The following MAP3K12 variants were observed in gnomAD, a reference collection of about 807,000 sequenced individuals.
MAP3K12 encodes the protein MAPK-upstream kinase.
A neutral mutation model predicts 87.5 loss-of-function variants in MAP3K12; 14 were observed. The observed-to-expected ratio is 0.16, with a 90% CI of 0.11 to 0.25. The LOEUF (loss-of-function observed/expected upper bound fraction) is 0.25, where lower values mean the gene tolerates loss of function less well. Ranked by LOEUF, MAP3K12 falls within the 10% of genes least tolerant of loss-of-function variation. MAP3K12 has a pLI of 1.00. For missense variants in MAP3K12, 802 were observed against 1,140.4 expected (o/e 0.70, Z 4.27); for synonymous variants, 469 against 452.5 (o/e 1.04, Z -0.46).
Position 53,479,977 on chromosome 12 carries a change from C to T in MAP3K12, c.*1205G>A, listed in dbSNP as rs1376035227. ...TTACCACTTCCATCTTTTTTTGTGG[C>T]CCTCGATCCTATTTTTCCCTGACTC... On this transcript the variant is annotated 3_prime_UTR_variant, in exon 14 of 14. Transcript: ENST00000547488. 6.6e-6 allele frequency: 1 copy of T among 151,830 alleles called. No homozygotes were observed. Among genetic ancestry groups the T allele is most frequent in the Non-Finnish European group, 1.5e-5 (1 of 68,006 alleles). The allele number at this position is 151,830 out of a possible 1,614,324, so 9.4% of individuals were successfully genotyped here. A position where few individuals can be genotyped will look rare whatever the true frequency, so the allele number is the denominator to read the frequency against.
Position 53,491,725 on chromosome 12 carries a change from G to A in MAP3K12, c.-37-4297C>T, listed in dbSNP as rs966725125. ...TGGGATTACAGGCGTGAGCCACCGC[G>A]CCCGGCAGGCATAGAGGTATTAAAT... On this transcript the variant is annotated intron_variant, in intron 1 of 13. Transcript: ENST00000547488. Among the ~76,000 whole-genome samples, 69 of 147,538 alleles carry A rather than the reference G, an allele frequency of 4.7e-4. 1 individual carries two copies. Among genetic ancestry groups the A allele is most frequent in the Non-Finnish European group, 1.0e-4 (7 of 66,722 alleles).
chr12:53,485,832 A>G, intron 4 of MAP3K12: 1 of 560,552 alleles, frequency 1.8e-6, no homozygotes, highest in Admixed American at 3.5e-5. Context: ...TTGGGATTAC[A>G]GGCGTGAGCC....
At position 53,481,280 on chromosome 12, in the gene MAP3K12, C is replaced by A; in HGVS notation, c.2581G>T (p.Gly861Cys). The A allele has an allele frequency of 6.5e-7, 1 of 1,534,650 alleles. No individual in the cohort carries two copies. Among genetic ancestry groups the A allele is most frequent in the Admixed American group, 2.0e-5 (1 of 49,106 alleles). ...TCTGAGTCCTCAGAATTGGGAGGGC[C>A]CTGTGAGAAAGAGTAGAAATGGAGT... ...IPHQELLRER[G>C]PPNSEDSDCD... The change falls in exon 14 of 14, where the codon GGC becomes TGC. Residue 861 changes from glycine to cysteine, a missense_variant and splice_region_variant. By Grantham distance (159) the Gly-to-Cys change is radical. Around this residue, in one of 5 missense-constraint regions of MAP3K12, gnomAD observed 490 missense variants for 496.6 expected, o/e 0.99. Transcript: ENST00000547488.
intron 11 of MAP3K12, 21 bp downstream of exon 11, chr12:53,482,544 G>C: frequency 6.3e-7 from 1 of 1,597,312 alleles, no homozygotes; most frequent in Non-Finnish European, 8.5e-7. Flanking sequence ...GAAAGAGCTT[G>C]GGAGCCTTCC....
At chr12:53,499,963 C>G (rs1300525344), upstream of MAP3K12, 1 of 152,514 alleles carries the variant, frequency 6.6e-6, no homozygotes. Flanking sequence ...ATTGCTCCCC[C>G]TATCATACCG....
intron 1 of MAP3K12, among the ~76,000 whole-genome samples, chr12:53,492,582 T>C (rs544585854): frequency 1.3e-5 from 2 of 152,204 alleles, no homozygotes; most frequent in East Asian, 3.9e-4. Flanking sequence ...CAAATCACAC[T>C]AAAGTTCAGC....
At chr12:53,501,277 T>C, upstream of MAP3K12, 1 of 946,238 alleles carries the variant, frequency 1.1e-6, no homozygotes, top group Non-Finnish European at 1.6e-6. Context: ...GGGGACTCCA[T>C]ATCCCAGCGT....
chr12:53,487,491 CTT>C (rs1445989161), intron 1 of MAP3K12, 63 bp from the exon 2 acceptor site: 4 of 1,489,298 alleles, frequency 2.7e-6, no homozygotes, highest in African/African-American at 1.4e-5. Context: ...GCTCAGGACA[CTT>C]ATCCCAGAGG....
intron 6 of MAP3K12, 75 bp from the exon 7 acceptor site, chr12:53,484,440 C>G (rs1009003689): frequency 6.7e-6 from 7 of 1,051,718 alleles, no homozygotes; most frequent in Non-Finnish European, 1.0e-5. Flanking sequence ...CATCCTTTCC[C>G]AAAGTGTGTC....
At position 53,483,152 on chromosome 12, in the gene MAP3K12, G is replaced by A; in HGVS notation, c.1651C>T (p.Leu551=). ...CCCACCCCACTCAGGGCTGCATCTA[G>A]TTTAGGGAGCAAAGACTCCGTCTTG... ...ILKTESLLPK[L]DAALSGVGLP... is the part of the protein sequence containing the mutation. Residue 551 remains leucine, a synonymous_variant, in exon 11 of 14, where the codon CTA becomes TTA. Transcript: ENST00000547488. The A allele has an allele frequency of 6.6e-7, 1 of 1,521,682 alleles. No individual in the cohort carries two copies. Among genetic ancestry groups the A allele is most frequent in the Non-Finnish European group, 8.8e-7 (1 of 1,137,220 alleles). The allele number at this position is 1,521,682 out of a possible 1,614,324, so 94.3% of individuals were successfully genotyped here. A position where few individuals can be genotyped will look rare whatever the true frequency, so the allele number is the denominator to read the frequency against.
intron 1 of MAP3K12, 35 bp from the exon 2 acceptor site, chr12:53,487,463 A>C (rs1235151680): frequency 1.9e-6 from 3 of 1,540,786 alleles, no homozygotes; most frequent in Non-Finnish European, 2.6e-6. Flanking sequence ...CTGGGCTGTT[A>C]AAGCCCCAGG....
At chr12:53,490,233 G>C (rs1943362517) in intron 1 of MAP3K12, among the ~76,000 whole-genome samples, 1 of 152,050 alleles carries the variant, frequency 6.6e-6, no homozygotes, top group Non-Finnish European at 1.5e-5. Flanking sequence ...GAATCTGGGA[G>C]GAGGAGGTTG....
At chr12:53,501,042 G>A (rs1943677521), upstream of MAP3K12, 1 of 272,408 alleles carries the variant, frequency 3.7e-6, no homozygotes, top group Non-Finnish European at 7.2e-6. Context: ...CTTCCCCTCC[G>A]CTAGTACGCA....
intron 1 of MAP3K12, among the ~76,000 whole-genome samples, chr12:53,496,937 GACTTTT>G (rs1336921193): frequency 3.5e-4 from 53 of 152,176 alleles, no homozygotes; most frequent in Non-Finnish European, 8.8e-5. Flanking sequence ...CCTGGCCTGA[GACTTTT>G]CAACAAACCT....
intron 9 of MAP3K12, 56 bp downstream of exon 9, chr12:53,483,551 G>T: frequency 1.2e-6 from 2 of 1,613,888 alleles, no homozygotes; most frequent in Non-Finnish European, 1.7e-6. Context: ...GTCTCAGTAG[G>T]ACCTCTAAGG....
At chr12:53,492,798 G>C (rs1352379740) in intron 1 of MAP3K12, among the ~76,000 whole-genome samples, 1 of 150,068 alleles carries the variant, frequency 6.7e-6, no homozygotes, top group Non-Finnish European at 1.5e-5. Flanking sequence ...CCCGGGCTTC[G>C]CTTCTGGACC....
intron 11 of MAP3K12, 24 bp from the exon 12 acceptor site, chr12:53,482,393 G>A (rs1301421142): frequency 4.3e-6 from 7 of 1,612,898 alleles, no homozygotes; most frequent in Admixed American, 1.7e-5. Flanking sequence ...GGGGTGGGGG[G>A]GGTCTGATTA....
At chr12:53,501,251 C>A (rs561977038), upstream of MAP3K12, 8 of 742,782 alleles carry the variant, frequency 1.1e-5, no homozygotes, top group Admixed American at 2.7e-5. Flanking sequence ...TGGAGGCTCA[C>A]GAAGTAGGGT....
chr12:53,485,969 G>C (rs1312576497), intron 4 of MAP3K12, 87 bp downstream of exon 4: 2 of 1,292,200 alleles, frequency 1.5e-6, no homozygotes, highest in Admixed American at 4.1e-5. Context: ...ATGGACCTAG[G>C]GCATGGTTTG....
Sources: allele counts gnomAD v4.1 joint callset (sites outside exome capture counted in the v4.1 genomes callset), GRCh38; gene constraint gnomAD v4.1.1; regional missense constraint gnomAD v4.1.1; transcripts MANE v1.5; gene names NCBI Gene and HGNC (gene_info 2026-07-23, HGNC 2026-07-21).